Variants in GIGYF2 observed in about 807,000 individuals in gnomAD.
GIGYF2 encodes GRB10 interacting GYF protein 2, also known as GRB10-interacting GYF protein 2.
In GIGYF2, 25 loss-of-function variants were observed where a neutral mutation model predicts 208.1. The observed-to-expected ratio is 0.12, with a 90% CI of 0.09 to 0.17. GIGYF2 has a LOEUF of 0.17. Ranked by LOEUF, GIGYF2 falls within the 10% of genes least tolerant of loss-of-function variation. GIGYF2 has a pLI of 1.00. For missense variants in GIGYF2, 1,302 were observed against 1,579.4 expected (o/e 0.82, Z 2.98); for synonymous variants, 534 against 543.8 (o/e 0.98, Z 0.25).
At chr2:232,722,589 T>G (rs2106274996) in intron 2 of GIGYF2, 1 of 152,306 alleles carries the variant, frequency 6.6e-6, no homozygotes, top group Middle Eastern at 3.4e-3. Flanking sequence ...GTGTCCTGAA[T>G]TGGAGACTGG....
rs138304997 is a variant in GIGYF2 at position 232,729,138 on chromosome 2, G to A, written c.-43-6017G>A. ...GGACTGCAGGAGCATACCACCACGC[G>A]TGACTAACTTTTGTATTTTGTGTAG... On this transcript the variant is annotated intron_variant, in intron 2 of 28. Coordinates refer to ENST00000373563, the MANE Select transcript of GIGYF2 (RefSeq NM_001103146.3). 4.1e-4 allele frequency among the ~76,000 whole-genome samples: 63 copies of A among 152,100 alleles called. 1 individual carries two copies. In the East Asian group the frequency reaches 0.011, roughly 26 times the overall value.
chr2:232,818,451 A>C lies in GIGYF2; in HGVS notation c.2371-1376A>C, dbSNP rs191099305. 2.2e-4 allele frequency among the ~76,000 whole-genome samples: 34 copies of C among 152,320 alleles called. No homozygotes were observed. The East Asian group carries it at 5.6e-3, about 25-fold the overall frequency. On this transcript the variant is annotated intron_variant, in intron 20 of 28. Transcript: ENST00000373563. ...TAATTTTGAATGTAATGATTTTTGT[A>C]TGTGGTGTGAGATGAGGGTCTGACT...
At chr2:232,750,130 A>G (rs986488745) in intron 5 of GIGYF2, among the ~76,000 whole-genome samples, 3 of 152,000 alleles carry the variant, frequency 2.0e-5, no homozygotes, top group Non-Finnish European at 4.4e-5. Flanking sequence ...GATTGCAGTG[A>G]GCTGAGATTG....
intron 2 of GIGYF2, among the ~76,000 whole-genome samples, chr2:232,712,695 C>G (rs531014509): frequency 6.6e-6 from 1 of 152,140 alleles, no homozygotes; most frequent in East Asian, 1.9e-4. Context: ...ATTAAAAAAA[C>G]ACATCATGGA....
intron 5 of GIGYF2, among the ~76,000 whole-genome samples, chr2:232,754,917 A>C (rs1392818808): frequency 2.0e-5 from 3 of 152,106 alleles, no homozygotes; most frequent in Non-Finnish European, 4.4e-5. Flanking sequence ...TACACTGATA[A>C]AGTTCCTAAA....
At chr2:232,849,884 G>C (rs1321909968) in intron 27 of GIGYF2, among the ~76,000 whole-genome samples, 1 of 152,222 alleles carries the variant, frequency 6.6e-6, no homozygotes, top group Admixed American at 6.5e-5. Context: ...AGGGAACAAA[G>C]AGACTTTCTG....
chr2:232,776,729 A>G (rs1177053121), intron 8 of GIGYF2: 12 of 436,306 alleles, frequency 2.8e-5, no homozygotes, highest in Non-Finnish European at 4.9e-5. Context: ...CACAAACCTT[A>G]ACAACTCTGG....
chr2:232,800,170 C>T (rs1388727433), intron 14 of GIGYF2, among the ~76,000 whole-genome samples: 2 of 151,036 alleles, frequency 1.3e-5, no homozygotes, highest in African/African-American at 4.9e-5. Flanking sequence ...GTTGCCTATG[C>T]CTTTGGTGTC....
At chr2:232,769,093 A>G (rs1191216848) in intron 8 of GIGYF2, among the ~76,000 whole-genome samples, 1 of 152,202 alleles carries the variant, frequency 6.6e-6, no homozygotes, top group Admixed American at 6.5e-5. Flanking sequence ...ACAAAGTCAA[A>G]GAATTGGTCA....
In GIGYF2 at chr2:232,833,102, C is replaced by T. The variant is rs758425720; in HGVS notation, c.2766+9C>T. On this transcript the variant is annotated intron_variant, in intron 22 of 28. Coordinates refer to ENST00000373563, the MANE Select transcript of GIGYF2 (RefSeq NM_001103146.3). ...AGCTGGCGCAGATGAAGGTAAAGCCCGAGGCATCAACCTTAGGAGCTCCTT... is the reference window on the plus strand; with the variant it reads ...AGCTGGCGCAGATGAAGGTAAAGCCTGAGGCATCAACCTTAGGAGCTCCTT... 9.1e-6 allele frequency: 14 copies of T among 1,543,056 alleles called. No individual in the cohort carries two copies. Among genetic ancestry groups the T allele is most frequent in the Non-Finnish European group, 1.1e-5 (12 of 1,139,422 alleles).
At chr2:232,800,887 G>T (rs993177660) in intron 14 of GIGYF2, among the ~76,000 whole-genome samples, 16 of 149,772 alleles carry the variant, frequency 1.1e-4, no homozygotes, top group African/African-American at 2.0e-4. Flanking sequence ...CCTGTCTCTC[G>T]CTTTTTTTGA....
At chr2:232,772,769 C>G (rs1474518953) in intron 8 of GIGYF2, among the ~76,000 whole-genome samples, 1 of 152,174 alleles carries the variant, frequency 6.6e-6, no homozygotes, top group Non-Finnish European at 1.5e-5. Flanking sequence ...GAGGTAGATA[C>G]CCTTGAGAGT....
At chr2:232,732,228 AG>A (rs1218332462) in intron 2 of GIGYF2, among the ~76,000 whole-genome samples, 1 of 152,206 alleles carries the variant, frequency 6.6e-6, no homozygotes, top group African/African-American at 2.4e-5. Context: ...AATCCCTTTT[AG>A]TACTTCAGGG....
At chr2:232,835,805 C>T (rs1413612731) in intron 22 of GIGYF2, among the ~76,000 whole-genome samples, 1 of 152,082 alleles carries the variant, frequency 6.6e-6, no homozygotes, top group African/African-American at 2.4e-5. Context: ...TTGTCTTTTC[C>T]ACACCCAGCT....
At chr2:232,741,907 G>C (rs1170293996) in intron 3 of GIGYF2, among the ~76,000 whole-genome samples, 3 of 152,110 alleles carry the variant, frequency 2.0e-5, no homozygotes, top group Non-Finnish European at 2.9e-5. Flanking sequence ...ATGAAGGCTG[G>C]ACAGGAACTT....
At chr2:232,753,037 CT>C (rs1393694517) in intron 5 of GIGYF2, among the ~76,000 whole-genome samples, 1 of 152,076 alleles carries the variant, frequency 6.6e-6, no homozygotes, top group Non-Finnish European at 1.5e-5. Flanking sequence ...CCCTTAAACA[CT>C]ATTTCACACA....
At chr2:232,736,433 A>AT (rs1422507024) in intron 3 of GIGYF2, 1 of 156,808 alleles carries the variant, frequency 6.4e-6, no homozygotes, top group South Asian at 2.0e-4. Context: ...ATATACACTT[A>AT]TTTTTTACAA....
At chr2:232,789,160 A>G (rs73102268) in intron 9 of GIGYF2, among the ~76,000 whole-genome samples, 1,689 of 152,282 alleles carry the variant, frequency 0.011, 40 homozygotes, top group African/African-American at 0.039. Context: ...AGTACCTTGC[A>G]TGTCTTACTT....
intron 22 of GIGYF2, among the ~76,000 whole-genome samples, chr2:232,839,112 T>G (rs1021990204): frequency 1.6e-4 from 25 of 152,226 alleles, no homozygotes; most frequent in Admixed American, 2.6e-4. Flanking sequence ...TTAGGTTTCT[T>G]TTTTATTGTG....
Sources: gnomAD v4.1 joint callset for allele counts (sites outside exome capture counted in the v4.1 genomes callset) on GRCh38, gnomAD v4.1.1 for gene constraint, MANE v1.5 for transcripts, NCBI Gene and HGNC (gene_info 2026-07-23, HGNC 2026-07-21) for gene names.